The following SCAPER variants were observed in gnomAD, a reference collection of about 807,000 sequenced individuals.
The protein encoded by SCAPER is S phase cyclin A-associated protein in the endoplasmic reticulum.
In SCAPER, 98 loss-of-function variants were observed where a neutral mutation model predicts 182.2. The observed-to-expected ratio is 0.54, with a 90% CI of 0.46 to 0.64. SCAPER has a LOEUF of 0.64. Among genes scored for constraint, SCAPER ranks in the 30% least tolerant of loss-of-function variants. The pLI, the probability that SCAPER is intolerant of heterozygous loss-of-function variation, is 0.00. For synonymous variants in SCAPER, 605 were observed against 564.6 expected, an observed-to-expected ratio of 1.07 and a Z score of -1.01; for missense variants, 1,432 against 1,690.0, an observed-to-expected ratio of 0.85 and a Z score of 2.68.
At position 76,795,445 on chromosome 15, in the gene SCAPER, G is replaced by A. The variant is rs764720973; in HGVS notation, c.612-5C>T. The A allele has an allele frequency of 3.7e-5, 56 of 1,529,730 alleles. No homozygotes were observed. The South Asian group carries it at 4.7e-4, about 13-fold the overall frequency. The allele number at this position is 1,529,730 out of a possible 1,614,324, so 94.8% of individuals were successfully genotyped here. ...GGCACTGTGCCAGTTGAACCTCTAT[G>A]GAGAAAAATAAACACATTTAATAAA... On this transcript the variant is annotated splice_polypyrimidine_tract_variant and splice_region_variant and intron_variant, in intron 7 of 31. Coordinates refer to ENST00000563290, the MANE Select transcript of SCAPER (RefSeq NM_020843.4).
At chr15:76,615,819 C>CAAAAAA (rs61031189) in intron 22 of SCAPER, among the ~76,000 whole-genome samples, 1 of 82,398 alleles carries the variant, frequency 1.2e-5, no homozygotes, top group African/African-American at 3.9e-5. Flanking sequence ...GATTCCATCT[C>CAAAAAA]AAAAAAAAAA....
intron 5 of SCAPER, among the ~76,000 whole-genome samples, chr15:76,813,146 C>A (rs2066768868): frequency 7.2e-6 from 1 of 139,516 alleles, no homozygotes; most frequent in Non-Finnish European, 1.5e-5. Flanking sequence ...CACATTAGCA[C>A]AATGATAGGC....
intron 30 of SCAPER, among the ~76,000 whole-genome samples, chr15:76,352,100 A>G (rs2141634735): frequency 6.6e-6 from 1 of 152,348 alleles, no homozygotes; most frequent in South Asian, 2.1e-4. Flanking sequence ...GCTGATACAG[A>G]TGTGAAATTG....
intron 15 of SCAPER, among the ~76,000 whole-genome samples, chr15:76,753,306 T>C (rs1011997422): frequency 1.3e-5 from 2 of 151,862 alleles, no homozygotes; most frequent in African/African-American, 2.4e-5. Flanking sequence ...AAAGGAGCTA[T>C]TCACACACAC....
At chr15:76,609,311 G>T (rs977211414) in intron 22 of SCAPER, among the ~76,000 whole-genome samples, 1 of 148,310 alleles carries the variant, frequency 6.7e-6, no homozygotes, top group Non-Finnish European at 1.5e-5. Flanking sequence ...ACAATACAGT[G>T]AGATCTTTTC....
intron 4 of SCAPER, among the ~76,000 whole-genome samples, chr15:76,856,829 A>G (rs972167161): frequency 1.1e-4 from 16 of 151,974 alleles, no homozygotes; most frequent in Non-Finnish European, 1.9e-4. Flanking sequence ...TGATTGTACC[A>G]CCGTACTCAG....
intron 24 of SCAPER, among the ~76,000 whole-genome samples, chr15:76,480,562 C>A (rs904771149): frequency 1.3e-5 from 2 of 152,220 alleles, no homozygotes; most frequent in African/African-American, 4.8e-5. Context: ...TGCTTCTAGG[C>A]AAGATCCTTG....
chr15:76,474,133 T>C (rs1465542903), intron 24 of SCAPER, among the ~76,000 whole-genome samples: 1 of 152,180 alleles, frequency 6.6e-6, no homozygotes, highest in East Asian at 1.9e-4. Flanking sequence ...TAAAAATATA[T>C]GCTTGCCTGA....
In SCAPER at chr15:76,771,669, T is replaced by G. The variant is rs116812481; in HGVS notation, c.1248+73A>C. On this transcript the variant is annotated intron_variant, in intron 10 of 31. Transcript: ENST00000563290. ...AAAGTATAAATCATACAAGTTATTA[T>G]TATTGGGGTTTATGCTTCTTAAATA... 2.0e-3 allele frequency: 2,012 copies of G among 1,016,368 alleles called. 25 individuals carry two copies. In the African/African-American group the frequency reaches 0.029, roughly 15 times the overall value. 63.0% of individuals were successfully genotyped at this position (1,016,368 alleles called of 1,614,324 possible).
intron 14 of SCAPER, among the ~76,000 whole-genome samples, chr15:76,763,387 G>A (rs2062917440): frequency 6.6e-6 from 1 of 151,518 alleles, no homozygotes; most frequent in Non-Finnish European, 1.5e-5. Context: ...TATGAGATGA[G>A]TTGCCTTTCT....
At chr15:76,815,302 T>C (rs753121137) in intron 5 of SCAPER, among the ~76,000 whole-genome samples, 2 of 152,190 alleles carry the variant, frequency 1.3e-5, no homozygotes, top group Non-Finnish European at 2.9e-5. Flanking sequence ...TGGAGACATC[T>C]GCACTCCTAT....
chr15:76,864,596 T>C (rs1205509704), intron 2 of SCAPER, among the ~76,000 whole-genome samples: 4 of 152,232 alleles, frequency 2.6e-5, no homozygotes, highest in African/African-American at 9.6e-5. Flanking sequence ...ATGAAGGAAA[T>C]TAATGAGTAG....
chr15:76,505,879 G>A (rs1374644627), intron 23 of SCAPER, among the ~76,000 whole-genome samples: 1 of 152,076 alleles, frequency 6.6e-6, no homozygotes, highest in East Asian at 1.9e-4. Flanking sequence ...TAAAGAAAAC[G>A]TAGTACATAT....
intron 1 of SCAPER, among the ~76,000 whole-genome samples, chr15:76,890,889 C>A (rs915213255): frequency 6.6e-5 from 10 of 152,160 alleles, no homozygotes; most frequent in African/African-American, 2.4e-4. Flanking sequence ...AGACCAATAT[C>A]CCTGATGAAC....
chr15:76,833,124 A>G (rs1180916398), intron 5 of SCAPER, among the ~76,000 whole-genome samples: 1 of 152,184 alleles, frequency 6.6e-6, no homozygotes, highest in Non-Finnish European at 1.5e-5. Context: ...AGGCAGCTAC[A>G]GAGAAGGGGC....
At position 76,771,892 on chromosome 15, in the gene SCAPER, T is replaced by C; in HGVS notation, c.1098A>G (p.Arg366=). 6.2e-7 allele frequency: 1 copy of C among 1,613,010 alleles called. No individual in the cohort carries two copies. Among genetic ancestry groups the C allele is most frequent in the Non-Finnish European group, 8.5e-7 (1 of 1,179,438 alleles). The change falls in exon 10 of 32, where the codon CGA becomes CGG. Residue 366 remains arginine, a synonymous_variant. Transcript: ENST00000563290. ...NSGSIRDNYV[R]TSEISAVHID... ...TGTGGACAGCAGATATTTCAGAAGT[T>C]CGAACATAATTGTCTCGAATACTGC...
chr15:76,354,217 A>C lies in SCAPER; in HGVS notation c.3856-77T>G. On this transcript the variant is annotated intron_variant, in intron 29 of 31. Transcript: ENST00000563290. The surrounding 1 kb of genome is among the most constrained non-coding windows in gnomAD (Gnocchi z 4.4). ...CTCACCCACCTGCACAGTGTCGGCT[A>C]GTACCATGGAAAACATGCTGAAGGA... The C allele has an allele frequency of 7.4e-7, 1 of 1,347,550 alleles. No individual in the cohort carries two copies. The allele number at this position is 1,347,550 out of a possible 1,614,324, so 83.5% of individuals were successfully genotyped here. A position where few individuals can be genotyped will look rare whatever the true frequency, so the allele number is the denominator to read the frequency against.
intron 20 of SCAPER, among the ~76,000 whole-genome samples, chr15:76,691,570 G>A (rs749978567): frequency 6.6e-6 from 1 of 152,076 alleles, no homozygotes; most frequent in South Asian, 2.1e-4. Context: ...GAAGCAAGAC[G>A]ATAGAGAATA....
chr15:76,602,995 T>C (rs1230627482), intron 22 of SCAPER, among the ~76,000 whole-genome samples: 1 of 108,436 alleles, frequency 9.2e-6, no homozygotes, highest in African/African-American at 2.7e-5. Flanking sequence ...TTTTTTTGGT[T>C]TGGATCCTCA....
Sources: allele counts gnomAD v4.1 joint callset (sites outside exome capture counted in the v4.1 genomes callset), GRCh38; gene constraint gnomAD v4.1.1; non-coding constraint Gnocchi (gnomAD v3.1); transcripts MANE v1.5; gene names NCBI Gene and HGNC (gene_info 2026-07-23, HGNC 2026-07-21).